The following KDM5A variants were observed in gnomAD, a reference collection of about 807,000 sequenced individuals.
KDM5A encodes lysine demethylase 5A.
KDM5A carries 42 observed loss-of-function variants against 193.5 expected under a neutral mutation model. The observed-to-expected ratio is 0.22, with a 90% confidence interval of 0.17 to 0.28. The LOEUF is 0.28. Ranked by LOEUF, KDM5A falls within the 10% of genes least tolerant of loss-of-function variation. The pLI is 1.00. For synonymous variants in KDM5A, 796 were observed against 718.1 expected (o/e 1.11, Z -1.73); for missense variants, 1,692 against 2,055.1 (o/e 0.82, Z 3.42).
intron 19 of KDM5A, among the ~76,000 whole-genome samples, chr12:316,098 T>C (rs1943647950): frequency 6.6e-6 from 1 of 152,090 alleles, no homozygotes; most frequent in South Asian, 2.1e-4. Flanking sequence ...CTCAAGAAAA[T>C]AATGGTAAGT....
Position 355,248 on chromosome 12 carries a change from A to C in KDM5A, c.780T>G (p.Asp260Glu). The C allele has an allele frequency of 1.3e-6, 2 of 1,588,516 alleles. No homozygotes were observed. The highest frequency in any genetic ancestry group is 1.7e-6 in the Non-Finnish European group (2 of 1,156,624). The stretch of plus-strand genomic sequence containing the variant: ...TAACTTTTCGTCTTCGGGTGACCTC[A>C]TCTTGAAATAAAAAGTTACACAATA... Reference protein sequence around the residue: ...GLAMGTKDKEDEVTRRRKVTN... With the variant: ...GLAMGTKDKEEEVTRRRKVTN... The change falls in exon 7 of 28, where the codon GAT becomes GAG. Residue 260 changes from aspartate to glutamate, a missense_variant and splice_region_variant. Physicochemically the swap from Asp to Glu is conservative, Grantham distance 45. Transcript: ENST00000399788.
chr12:386,112 G>A, intron 1 of KDM5A, 138 bp from the exon 2 acceptor site: 1 of 656,792 alleles, frequency 1.5e-6, no homozygotes, highest in South Asian at 1.6e-5. Flanking sequence ...TATAGAGACA[G>A]AATGAGCAAT....
intron 24 of KDM5A, among the ~76,000 whole-genome samples, chr12:306,739 T>C (rs1943511402): frequency 1.4e-5 from 2 of 141,856 alleles, no homozygotes; most frequent in African/African-American, 2.6e-5. Flanking sequence ...CGAGACTCCA[T>C]CTCCAAAAAA....
chr12:297,574 G>C (rs904907287), intron 24 of KDM5A, among the ~76,000 whole-genome samples: 4 of 152,266 alleles, frequency 2.6e-5, no homozygotes, highest in African/African-American at 4.8e-5. Flanking sequence ...AAGTTATGAA[G>C]GCATTCTTAC....
chr12:300,350 A>G (rs1330731184), intron 24 of KDM5A, among the ~76,000 whole-genome samples: 3 of 152,178 alleles, frequency 2.0e-5, no homozygotes, highest in Admixed American at 6.5e-5. Context: ...ACCACAGTGC[A>G]ATCATATTAG....
chr12:329,806 G>T (rs549813210), intron 13 of KDM5A, among the ~76,000 whole-genome samples: 1 of 152,010 alleles, frequency 6.6e-6, no homozygotes, highest in Non-Finnish European at 1.5e-5. Flanking sequence ...TGCCCTACAC[G>T]TATATACGCA....
chr12:326,527 T>C (rs1033430771), intron 14 of KDM5A, among the ~76,000 whole-genome samples: 2 of 152,042 alleles, frequency 1.3e-5, no homozygotes, highest in African/African-American at 2.4e-5. Flanking sequence ...CAATATATAG[T>C]GCAATAAAGA....
At chr12:375,635 G>T (rs2137485766) in intron 3 of KDM5A, among the ~76,000 whole-genome samples, 1 of 152,274 alleles carries the variant, frequency 6.6e-6, no homozygotes, top group East Asian at 1.9e-4. Flanking sequence ...TGTTCCTTTG[G>T]CGGGGGAGAG....
intron 7 of KDM5A, among the ~76,000 whole-genome samples, chr12:354,938 T>A (rs996608504): frequency 6.6e-6 from 1 of 152,010 alleles, no homozygotes; most frequent in East Asian, 1.9e-4. Context: ...ATGCTCTCAC[T>A]TGGTTCCCCA....
At chr12:323,511 A>G in intron 15 of KDM5A, 89 bp downstream of exon 15, 1 of 1,289,416 alleles carries the variant, frequency 7.8e-7, no homozygotes, top group Non-Finnish European at 1.1e-6. Context: ...TCCAGAGTAA[A>G]GGAGTAAAGT....
At chr12:312,269 A>G (rs963598352) in intron 20 of KDM5A, among the ~76,000 whole-genome samples, 1 of 152,150 alleles carries the variant, frequency 6.6e-6, no homozygotes, top group Non-Finnish European at 1.5e-5. Flanking sequence ...GAAAATATGT[A>G]TTTGGAAGAC....
At chr12:320,245 C>T (rs1943699807) in intron 18 of KDM5A, among the ~76,000 whole-genome samples, 1 of 152,114 alleles carries the variant, frequency 6.6e-6, no homozygotes, top group Admixed American at 6.5e-5. Flanking sequence ...GCCTGTAATC[C>T]CAGCACTTTG....
chr12:373,558 G>GT (rs1229898339), intron 3 of KDM5A, among the ~76,000 whole-genome samples: 2 of 152,076 alleles, frequency 1.3e-5, no homozygotes, highest in African/African-American at 4.8e-5. Context: ...TTTTTGAAGG[G>GT]TTTTTTGTGT....
intron 4 of KDM5A, among the ~76,000 whole-genome samples, chr12:364,653 T>C (rs10774137): frequency 0.71 from 106,054 of 150,416 alleles, 37,527 homozygotes; most frequent in Middle Eastern, 0.78. Context: ...GGCGTGGTGG[T>C]GGGCACCTGT....
intron 2 of KDM5A, among the ~76,000 whole-genome samples, chr12:384,646 ATATT>A (rs1293374590): frequency 6.6e-6 from 1 of 152,218 alleles, no homozygotes; most frequent in African/African-American, 2.4e-5. Context: ...CTAATAAACT[ATATT>A]TATTCAGGCA....
chr12:321,866 A>G (rs1291800262), intron 17 of KDM5A, among the ~76,000 whole-genome samples: 2 of 152,162 alleles, frequency 1.3e-5, no homozygotes, highest in Non-Finnish European at 2.9e-5. Flanking sequence ...CATTGTTCTA[A>G]GCACAAGAAA....
Position 350,786 on chromosome 12 carries a change from AG to A in KDM5A, c.1150-8del. 6.2e-7 allele frequency: 1 copy of A among 1,613,198 alleles called. No individual in the cohort carries two copies. The highest frequency in any genetic ancestry group is 8.5e-7 in the Non-Finnish European group (1 of 1,179,200). On this transcript the variant is annotated splice_region_variant and splice_polypyrimidine_tract_variant and intron_variant, in intron 9 of 27. Transcript: ENST00000399788. ...CTAGTTCTGTGGGAACCATCTACAC[AG>A]GGAAAAAAAAGATGACAAATTATTA... is the stretch of plus-strand genomic sequence containing the variant.
intron 10 of KDM5A, among the ~76,000 whole-genome samples, chr12:349,572 C>T (rs1944124266): frequency 6.6e-6 from 1 of 151,942 alleles, no homozygotes; most frequent in South Asian, 2.1e-4. Context: ...TCGTGATCCA[C>T]CCACCTCGGC....
chr12:323,208 TACAAAAAAAAAAAAA>T lies in KDM5A; in HGVS notation c.2151-17_2151-3del. 1 of 105,070 alleles carries T rather than the reference TACAAAAAAAAAAAAA, an allele frequency of 9.5e-6. No individual in the cohort carries two copies. Among genetic ancestry groups the T allele is most frequent in the Non-Finnish European group, 1.8e-5 (1 of 55,730 alleles). The allele number at this position is 105,070 out of a possible 1,614,324, so 6.5% of individuals were successfully genotyped here. On this transcript the variant is annotated splice_region_variant and splice_polypyrimidine_tract_variant and intron_variant, in intron 15 of 27. Coordinates refer to ENST00000399788, the MANE Select transcript of KDM5A (RefSeq NM_001042603.3). ...AGGTCTTCTAATGGGTAGCGATATC[TACAAAAAAAAAAAAA>T]AAAAAAAAAAAAAAAAGAAAACAGA...
Sources: gnomAD v4.1 joint callset for allele counts (sites outside exome capture counted in the v4.1 genomes callset) on GRCh38, gnomAD v4.1.1 for gene constraint, MANE v1.5 for transcripts, NCBI Gene and HGNC (gene_info 2026-07-23, HGNC 2026-07-21) for gene names.